The following HCST variants were observed in gnomAD, a reference collection of about 807,000 sequenced individuals.
HCST encodes the protein hematopoietic cell signal transducer.
In HCST, 12 loss-of-function variants were observed where a neutral mutation model predicts 10.8. The ratio of observed to expected loss-of-function variants is 1.12; its 90% CI spans 0.72 to 1.81. The LOEUF (loss-of-function observed/expected upper bound fraction) is 1.81, where lower values mean the gene tolerates loss of function less well. Among genes scored for constraint, HCST ranks in the 40% most tolerant of loss-of-function variants. The pLI is 0.00. For missense variants in HCST, 102 were observed against 117.9 expected (o/e 0.87, Z 0.62); for synonymous variants, 59 against 51.6 (o/e 1.14, Z -0.61).
intron 2 of HCST, 137 bp downstream of exon 2, chr19:35,903,553 C>T: frequency 9.5e-7 from 1 of 1,049,500 alleles, no homozygotes; most frequent in Non-Finnish European, 1.5e-6. Flanking sequence ...CGACCCCCAG[C>T]CTGTGTTCAG....
At position 35,903,624 on chromosome 19, in the gene HCST, ATCTGTCTCCCGTT is replaced by A. The variant is rs549227168; in HGVS notation, c.110-145_110-133del. On this transcript the variant is annotated intron_variant, in intron 2 of 3. Coordinates refer to ENST00000246551, the MANE Select transcript of HCST (RefSeq NM_014266.4). ...TCCTGGGACACCCCAGCCTCTCTGC[ATCTGTCTCCCGTT>A]TCATTCCCCAAGCGCAACTCCAAGG... 3.5e-3 allele frequency: 4,228 copies of A among 1,207,296 alleles called. 18 individuals are homozygous for A. The highest frequency in any genetic ancestry group is 4.0e-3 in the Non-Finnish European group (3,360 of 843,866). 74.8% of individuals were successfully genotyped at this position (1,207,296 alleles called of 1,614,324 possible).
At chr19:35,903,311 C>G in intron 1 of HCST, 40 bp from the exon 2 acceptor site, 1 of 1,570,168 alleles carries the variant, frequency 6.4e-7, no homozygotes, top group Non-Finnish European at 8.7e-7. Flanking sequence ...TTTTGTGGAC[C>G]TTCTCTCCAC....
At chr19:35,902,883 T>C in intron 1 of HCST, 1 of 533,938 alleles carries the variant, frequency 1.9e-6, no homozygotes, top group South Asian at 2.3e-5. Flanking sequence ...TCCAATTTCT[T>C]GTCACTCTCC....
In HCST at chr19:35,904,110, C is replaced by G; in HGVS notation, c.242-10C>G. The G allele has an allele frequency of 6.2e-7, 1 of 1,614,034 alleles. No individual in the cohort carries two copies. The highest frequency in any genetic ancestry group is 8.5e-7 in the Non-Finnish European group (1 of 1,179,920). On this transcript the variant is annotated splice_polypyrimidine_tract_variant and intron_variant, in intron 3 of 3. Coordinates refer to ENST00000246551, the MANE Select transcript of HCST (RefSeq NM_014266.4). Reference sequence around the variant, plus strand: ...GGTCAAGCTTCATGCTTTCTCTCCCCTATCCCCAGAAGATGGCAAAGTCTA... The same window carrying G: ...GGTCAAGCTTCATGCTTTCTCTCCCGTATCCCCAGAAGATGGCAAAGTCTA...
chr19:35,902,699 G>A (rs1190795061), intron 1 of HCST, 63 bp downstream of exon 1: 12 of 1,519,368 alleles, frequency 7.9e-6, no homozygotes, highest in African/African-American at 1.4e-5. Context: ...CTTGGGTGAC[G>A]TCTGCAGGGA....
rs1403757028 is a variant in HCST at position 35,903,904 on chromosome 19, G to C, written c.241+1G>C. ...CGCCCACGCCGCAGCCCCGCCCAAG[G>C]TGAGGGCGGAGATGGGCGGGGCCTG... On this transcript the variant is annotated splice_donor_variant, in intron 3 of 3. Coordinates refer to ENST00000246551, the MANE Select transcript of HCST (RefSeq NM_014266.4). LOFTEE classifies it high-confidence loss of function. The C allele has an allele frequency of 6.2e-7, 1 of 1,610,568 alleles. No individual in the cohort carries two copies. The highest frequency in any genetic ancestry group is 1.1e-5 in the South Asian group (1 of 90,822).
chr19:35,904,045 C>T, intron 3 of HCST, 75 bp from the exon 4 acceptor site: 2 of 1,602,056 alleles, frequency 1.2e-6, no homozygotes, highest in Middle Eastern at 1.9e-4. Context: ...CTGAGGAAAC[C>T]CCTGAAGCAG....
chr19:35,904,183 G>C lies in HCST; in HGVS notation c.*23G>C, dbSNP rs1975660256. On this transcript the variant is annotated 3_prime_UTR_variant, in exon 4 of 4. Coordinates refer to ENST00000246551, the MANE Select transcript of HCST (RefSeq NM_014266.4). ...TGACCCTCCTGCAGCTTGGACCTTT[G>C]ACTTCTGACCCTCTCATCCTGGATG... 1.9e-6 allele frequency: 3 copies of C among 1,613,110 alleles called. No individual in the cohort carries two copies. In the African/African-American group the frequency reaches 4.0e-5, roughly 22 times the overall value.
In HCST at chr19:35,902,649, G is replaced by A; in HGVS notation, c.43+13G>A. ...CTTTTGCTCCCAGGTGAAGCCAGTG[G>A]TTACAGGGGATGGTAGGCAGAGCGT... On this transcript the variant is annotated intron_variant, in intron 1 of 3. Transcript: ENST00000246551. 6.2e-7 allele frequency: 1 copy of A among 1,613,988 alleles called. No homozygotes were observed.
At chr19:35,902,662 G>A (rs1975602403) in intron 1 of HCST, 26 bp downstream of exon 1, 7 of 1,613,258 alleles carry the variant, frequency 4.3e-6, no homozygotes, top group South Asian at 1.1e-5. Context: ...ACAGGGGATG[G>A]TAGGCAGAGC....
intron 1 of HCST, chr19:35,903,115 C>G (rs1975621858): frequency 1.4e-4 from 68 of 490,698 alleles, no homozygotes; most frequent in South Asian, 1.4e-3. Flanking sequence ...CTCAGCCTCC[C>G]GAGTAACTGG....
At chr19:35,902,795 G>A (rs1032787961) in intron 1 of HCST, 159 bp downstream of exon 1, 89 of 713,938 alleles carry the variant, frequency 1.2e-4, no homozygotes, top group African/African-American at 3.4e-4. Flanking sequence ...CCTTGGGGGC[G>A]GAAGGGGGTG....
intron 3 of HCST, 77 bp from the exon 4 acceptor site, chr19:35,904,043 A>T (rs957432421): frequency 2.5e-6 from 4 of 1,595,574 alleles, no homozygotes; most frequent in Non-Finnish European, 3.4e-6. Flanking sequence ...CCCTGAGGAA[A>T]CCCCTGAAGC....
chr19:35,902,661 G>T (rs542445040), intron 1 of HCST, 25 bp downstream of exon 1: 59 of 1,613,064 alleles, frequency 3.7e-5, no homozygotes, highest in Non-Finnish European at 4.7e-5. Flanking sequence ...TACAGGGGAT[G>T]GTAGGCAGAG....
rs1403995002 is a variant in HCST, at chr19:35,904,128, A to G, written c.250A>G (p.Lys84Glu). ...CTCTCCCCTATCCCCAGAAGATGGC[A>G]AAGTCTACATCAACATGCCAGGCAG... ...PRRSPAQEDG[K>E]VYINMPGRG The change falls in exon 4 of 4, where the codon AAA becomes GAA. Residue 84 changes from lysine to glutamate, a missense_variant. Lys to Glu is a moderately conservative substitution (Grantham distance 56). Transcript: ENST00000246551. 6.2e-7 allele frequency: 1 copy of G among 1,614,104 alleles called. No homozygotes were observed. The highest frequency in any genetic ancestry group is 1.7e-5 in the Admixed American group (1 of 60,026).
chr19:35,903,764 C>G lies in HCST; in HGVS notation c.110-8C>G. 1 of 1,614,114 alleles carries G rather than the reference C, an allele frequency of 6.2e-7. No individual in the cohort carries two copies. The highest frequency in any genetic ancestry group is 8.5e-7 in the Non-Finnish European group (1 of 1,180,026). ...AGTTGTCTCCCTGTTCCGGCCCCCA[C>G]TCTCCAGGCTCTTGTTCCGGATGTG... On this transcript the variant is annotated splice_polypyrimidine_tract_variant and splice_region_variant and intron_variant, in intron 2 of 3. Transcript: ENST00000246551.
chr19:35,903,896 C>T lies in HCST; in HGVS notation c.234C>T (p.Pro78=), dbSNP rs561061171. 9.3e-6 allele frequency: 15 copies of T among 1,611,022 alleles called. No individual in the cohort carries two copies. The highest frequency in any genetic ancestry group is 1.3e-5 in the Non-Finnish European group (15 of 1,179,108). Residue 78 remains proline (P), a synonymous_variant, in exon 3 of 4, where the codon CCC becomes CCT. Transcript: ENST00000246551. ...TGTGCGCACGCCCACGCCGCAGCCC[C>T]GCCCAAGGTGAGGGCGGAGATGGGC... ...VFLCARPRRS[P]AQEDGKVYIN...
At chr19:35,903,479 T>C (rs1403066230) in intron 2 of HCST, 63 bp downstream of exon 2, 1 of 1,394,000 alleles carries the variant, frequency 7.2e-7, no homozygotes, top group Non-Finnish European at 1.0e-6. Context: ...GTTCTCCAGG[T>C]CACCATCCCA....
chr19:35,904,297 C>A lies in HCST; in HGVS notation c.*137C>A. On this transcript the variant is annotated 3_prime_UTR_variant, in exon 4 of 4. Transcript: ENST00000246551. ...TGTAGTCGTATTCTTTCTCAAAGAA[C>A]CCCAGAGTTCCCAAAGCCTCCCTCC... is the stretch of plus-strand genomic sequence containing the variant. 2 of 989,324 alleles carry A rather than the reference C, an allele frequency of 2.0e-6. No homozygotes were observed. Among genetic ancestry groups the A allele is most frequent in the Non-Finnish European group, 3.1e-6 (2 of 636,056 alleles). The allele number at this position is 989,324 out of a possible 1,614,324, so 61.3% of individuals were successfully genotyped here. A position where few individuals can be genotyped will look rare whatever the true frequency, so the allele number is the denominator to read the frequency against.
Sources: gnomAD v4.1 joint callset for allele counts on GRCh38, gnomAD v4.1.1 for gene constraint, MANE v1.5 for transcripts, NCBI Gene and HGNC (gene_info 2026-07-23, HGNC 2026-07-21) for gene names.